DIAPH2: variants seen among roughly 807,000 people sequenced by gnomAD.
DIAPH2 encodes protein diaphanous homolog 2.
Under a neutral mutation model 92.7 loss-of-function variants are expected in DIAPH2, and 35 were observed. The observed-to-expected ratio is 0.38, with a 90% CI of 0.29 to 0.50. DIAPH2 has a LOEUF of 0.50. Among genes scored for constraint, DIAPH2 ranks in the 20% least tolerant of loss-of-function variants. The pLI is 0.94. For synonymous variants in DIAPH2, 301 were observed against 280.4 expected (o/e 1.07, Z -0.73); for missense variants, 701 against 819.5 (o/e 0.86, Z 1.77).
chrX:96,932,487 G>A (rs1048264309), intron 10 of DIAPH2, among the ~76,000 whole-genome samples: 14 of 110,553 alleles, frequency 1.3e-4, no homozygotes, highest in Non-Finnish European at 2.3e-4. Context: ...GGGCTCAGTG[G>A]CCTCATGTTA....
intron 23 of DIAPH2, among the ~76,000 whole-genome samples, chrX:97,267,137 C>G (rs757878276): frequency 1.8e-5 from 2 of 111,745 alleles, no homozygotes; most frequent in South Asian, 3.7e-4. Context: ...GCCACTTGGA[C>G]TGTACATAGA....
chrX:97,599,748 T>G lies in DIAPH2; in HGVS notation c.*431T>G, dbSNP rs2071580894. On this transcript the variant is annotated 3_prime_UTR_variant, in exon 27 of 27. Coordinates refer to ENST00000324765, the MANE Select transcript of DIAPH2 (RefSeq NM_006729.5). ...GTCAGCTTCCAATCCCTAGTACATATATAATAGAAAAGGGCCAAGAAAAAT... is the reference window on the plus strand; with the variant it reads ...GTCAGCTTCCAATCCCTAGTACATAGATAATAGAAAAGGGCCAAGAAAAAT... The G allele has an allele frequency of 8.8e-6, 1 of 114,132 alleles. No homozygotes were observed. The highest frequency in any genetic ancestry group is 1.8e-5 in the Non-Finnish European group (1 of 54,587). 9.4% of individuals were successfully genotyped at this position (114,132 alleles called of 1,213,427 possible). A position where few individuals can be genotyped will look rare whatever the true frequency, so the allele number is the denominator to read the frequency against.
intron 25 of DIAPH2, among the ~76,000 whole-genome samples, chrX:97,424,128 A>G (rs770125049): frequency 4.4e-5 from 5 of 112,385 alleles, no homozygotes; most frequent in Non-Finnish European, 7.5e-5. Flanking sequence ...GATTATATTC[A>G]TAAAACCTTG....
chrX:97,090,179 A>G (rs990737827), intron 19 of DIAPH2, among the ~76,000 whole-genome samples: 4 of 111,760 alleles, frequency 3.6e-5, no homozygotes, highest in African/African-American at 1.3e-4. Context: ...AAACAAAACT[A>G]GATTTGTAAT....
intron 25 of DIAPH2, among the ~76,000 whole-genome samples, chrX:97,426,225 C>T (rs1446778927): frequency 9.0e-6 from 1 of 110,523 alleles, no homozygotes; most frequent in East Asian, 2.8e-4. Flanking sequence ...TCACTTTGCT[C>T]TCTGTTTAGT....
chrX:96,830,367 C>A (rs1221999219), intron 4 of DIAPH2, among the ~76,000 whole-genome samples: 2 of 108,836 alleles, frequency 1.8e-5, no homozygotes, highest in Non-Finnish European at 3.8e-5. Flanking sequence ...GTCAGGAGAT[C>A]GAGACCATCC....
chrX:96,723,922 T>TTTTC, intron 1 of DIAPH2, among the ~76,000 whole-genome samples: 1 of 47,092 alleles, frequency 2.1e-5, no homozygotes, highest in African/African-American at 4.6e-5. Flanking sequence ...TATAATTTTT[T>TTTTC]TTTTTTTTTT....
chrX:97,116,542 A>C (rs1397095777), intron 21 of DIAPH2, among the ~76,000 whole-genome samples: 3 of 111,748 alleles, frequency 2.7e-5, no homozygotes, highest in Non-Finnish European at 3.8e-5. Context: ...CCATATCCCC[A>C]ATGTTAATAG....
chrX:96,995,865 T>C (rs1430494887), intron 17 of DIAPH2, among the ~76,000 whole-genome samples: 1 of 109,766 alleles, frequency 9.1e-6, no homozygotes, highest in Non-Finnish European at 1.9e-5. Flanking sequence ...CTAGTTAATA[T>C]TAAAAAAATG....
intron 4 of DIAPH2, among the ~76,000 whole-genome samples, chrX:96,826,156 C>T (rs996155526): frequency 1.4e-4 from 16 of 111,045 alleles, no homozygotes; most frequent in Non-Finnish European, 1.9e-4. Flanking sequence ...GTGGCTCACG[C>T]CTGTAATCCC....
At chrX:97,377,684 T>G (rs2069513626) in intron 24 of DIAPH2, among the ~76,000 whole-genome samples, 2 of 111,841 alleles carry the variant, frequency 1.8e-5, no homozygotes, top group African/African-American at 6.5e-5. Flanking sequence ...CCATCCTGTG[T>G]TCATTATGAT....
chrX:96,808,197 T>C (rs1335801010), intron 4 of DIAPH2, among the ~76,000 whole-genome samples: 1 of 106,868 alleles, frequency 9.4e-6, no homozygotes, highest in Non-Finnish European at 2.0e-5. Context: ...TCCATAATAG[T>C]GCTGATTTAA....
At chrX:97,153,181 T>C (rs1269648791) in intron 22 of DIAPH2, among the ~76,000 whole-genome samples, 1 of 111,796 alleles carries the variant, frequency 8.9e-6, no homozygotes, top group Non-Finnish European at 1.9e-5. Flanking sequence ...AATATGAAAA[T>C]GCCATATGAA....
chrX:97,540,981 C>T (rs913196165), intron 26 of DIAPH2, among the ~76,000 whole-genome samples: 1 of 111,528 alleles, frequency 9.0e-6, no homozygotes, highest in Non-Finnish European at 1.9e-5. Context: ...TTCATATGTA[C>T]ATGTGTCTCT....
In DIAPH2 at chrX:96,735,777, T is replaced by A; in HGVS notation, c.152T>A (p.Leu51Ter). ...TAATAGAACATTCAAATAAAAACTTTGGCAGATGATGTGGTAAGGTGGTCT... is the reference window on the plus strand; with the variant it reads ...TAATAGAACATTCAAATAAAAACTTAGGCAGATGATGTGGTAAGGTGGTCT... ...KPKLNIQIKT[L>*]ADDVRDRITS... The change falls in exon 2 of 27, where the codon TTG becomes TAG. Residue 51 changes from leucine to a stop codon, truncating the protein, a stop_gained. Transcript: ENST00000324765. LOFTEE classifies it high-confidence loss of function. 9.1e-7 allele frequency: 1 copy of A among 1,102,613 alleles called. No individual in the cohort carries two copies. The allele number at this position is 1,102,613 out of a possible 1,213,427, so 90.9% of individuals were successfully genotyped here.
At chrX:96,980,043 G>A (rs2065984917) in intron 17 of DIAPH2, among the ~76,000 whole-genome samples, 1 of 110,863 alleles carries the variant, frequency 9.0e-6, no homozygotes. Flanking sequence ...CACAACCCCC[G>A]AAGCCCCAGA....
At chrX:96,998,600 C>T (rs1461644777) in intron 17 of DIAPH2, among the ~76,000 whole-genome samples, 2 of 111,937 alleles carry the variant, frequency 1.8e-5, no homozygotes, top group African/African-American at 6.5e-5. Flanking sequence ...CTCTGCCAAA[C>T]GTAGCCCTTT....
chrX:96,790,099 C>T (rs233671), intron 4 of DIAPH2, among the ~76,000 whole-genome samples: 42,816 of 102,878 alleles, frequency 0.42, 7,915 homozygotes, highest in African/African-American at 0.69. Context: ...GACAGAGTTT[C>T]GCTCTTGTTG....
chrX:96,738,669 G>A lies in DIAPH2; in HGVS notation c.249G>A (p.Ala83=), dbSNP rs140975507. 114 of 1,206,007 alleles carry A rather than the reference G, an allele frequency of 9.5e-5. No individual in the cohort carries two copies. In the African/African-American group the frequency reaches 1.5e-3, roughly 16 times the overall value. ...LIQHPIDSQV[A]MSEFPAAQPL... Reference sequence around the variant, plus strand: ...AACATCCTATTGATTCTCAAGTCGCGATGAGTGAGTTTCCTGCAGCTCAGC... The same window carrying A: ...AACATCCTATTGATTCTCAAGTCGCAATGAGTGAGTTTCCTGCAGCTCAGC... The change falls in exon 3 of 27, where the codon GCG becomes GCA. Residue 83 remains alanine, a synonymous_variant. Coordinates refer to ENST00000324765, the MANE Select transcript of DIAPH2 (RefSeq NM_006729.5).
Sources: allele counts gnomAD v4.1 joint callset (sites outside exome capture counted in the v4.1 genomes callset), GRCh38; gene constraint gnomAD v4.1.1; transcripts MANE v1.5; gene names NCBI Gene and HGNC (gene_info 2026-07-23, HGNC 2026-07-21).